Variants in FAF2 observed in about 807,000 individuals in gnomAD.
FAF2 encodes the protein FAS-associated factor 2.
FAF2 carries 9 observed loss-of-function variants against 62.3 expected under a neutral mutation model. That is an observed-to-expected ratio of 0.14 (90% CI 0.09 to 0.25). The LOEUF is 0.25. FAF2 is among the 10% of genes least tolerant of loss of function. FAF2 has a pLI of 1.00. For synonymous variants in FAF2, 202 were observed against 198.0 expected, an observed-to-expected ratio of 1.02 and a Z score of -0.17; for missense variants, 368 against 556.2, an observed-to-expected ratio of 0.66 and a Z score of 3.40.
chr5:176,451,813 CACAT>C (rs35132677), intron 1 of FAF2, among the ~76,000 whole-genome samples: 22,060 of 41,102 alleles, frequency 0.54, 6,683 homozygotes, highest in African/African-American at 0.6. Flanking sequence ...TATATATACA[CACAT>C]ATATATATAT....
intron 2 of FAF2, among the ~76,000 whole-genome samples, chr5:176,484,164 C>T (rs904468390): frequency 2.0e-5 from 3 of 152,154 alleles, no homozygotes; most frequent in African/African-American, 7.2e-5. Context: ...AGTCGGGACA[C>T]ATTACCTTCT....
At chr5:176,490,235 C>T (rs557263820) in intron 4 of FAF2, among the ~76,000 whole-genome samples, 17 of 150,944 alleles carry the variant, frequency 1.1e-4, no homozygotes, top group African/African-American at 3.9e-4. Flanking sequence ...GGCGTGAACC[C>T]GGGAGGCGGA....
At chr5:176,478,653 G>A (rs1048115997) in intron 1 of FAF2, among the ~76,000 whole-genome samples, 7 of 152,196 alleles carry the variant, frequency 4.6e-5, no homozygotes, top group African/African-American at 1.7e-4. Context: ...TATCTAAAAT[G>A]CTTGGAACCA....
chr5:176,448,985 C>T (rs1383062115), intron 1 of FAF2, among the ~76,000 whole-genome samples: 2 of 152,118 alleles, frequency 1.3e-5, no homozygotes, highest in East Asian at 3.9e-4. Context: ...CAGATCTGGT[C>T]CCCGCCCTAG....
intron 4 of FAF2, among the ~76,000 whole-genome samples, chr5:176,491,135 G>A (rs575484205): frequency 4.2e-4 from 64 of 152,214 alleles, no homozygotes; most frequent in African/African-American, 1.3e-3. Context: ...TGCTGAAAAC[G>A]TTTTAAGTAA....
At position 176,475,629 on chromosome 5, in the gene FAF2, G is replaced by A. The variant is rs575875226; in HGVS notation, c.64-3559G>A. ...CTAAAAATACAAAAACTAGCCAGGC[G>A]TGGTGGCAGCCACCTGTAATCCCAG... is the stretch of plus-strand genomic sequence containing the variant. On this transcript the variant is annotated intron_variant, in intron 1 of 10. Transcript: ENST00000261942. Among the ~76,000 whole-genome samples, 8 of 152,162 alleles carry A rather than the reference G, an allele frequency of 5.3e-5. No individual in the cohort carries two copies. In the East Asian group the frequency reaches 7.8e-4, roughly 15 times the overall value.
At chr5:176,462,028 A>G (rs1050319374) in intron 1 of FAF2, among the ~76,000 whole-genome samples, 1 of 152,156 alleles carries the variant, frequency 6.6e-6, no homozygotes, top group Non-Finnish European at 1.5e-5. Flanking sequence ...TGTAGTCCCA[A>G]CACTTTATGA....
rs545913627 is a variant in FAF2, at chr5:176,508,285, G to T, written c.*1335G>T. ...TCAGGCCATGTATTAACAGATGCCA[G>T]TGCGCTCTGACAAGTATTCCAAAGT... On this transcript the variant is annotated 3_prime_UTR_variant, in exon 11 of 11. Coordinates refer to ENST00000261942, the MANE Select transcript of FAF2 (RefSeq NM_014613.3). 4 of 152,284 alleles carry T rather than the reference G, an allele frequency of 2.6e-5. No homozygotes were observed. The highest frequency in any genetic ancestry group is 1.3e-4 in the Admixed American group (2 of 15,276). The allele number at this position is 152,284 out of a possible 1,614,324, so 9.4% of individuals were successfully genotyped here. A position where few individuals can be genotyped will look rare whatever the true frequency, so the allele number is the denominator to read the frequency against.
chr5:176,472,718 A>C (rs373079210), intron 1 of FAF2, among the ~76,000 whole-genome samples: 1 of 32,486 alleles, frequency 3.1e-5, no homozygotes, highest in African/African-American at 2.1e-4. Flanking sequence ...CTTCATCTCT[A>C]CAAAAAAAAA....
At chr5:176,450,543 C>G (rs944312662) in intron 1 of FAF2, among the ~76,000 whole-genome samples, 10 of 151,634 alleles carry the variant, frequency 6.6e-5, no homozygotes, top group African/African-American at 2.2e-4. Flanking sequence ...TCCATTTTAT[C>G]TTCTGTGGAG....
chr5:176,500,845 C>T (rs1029936790), intron 10 of FAF2, among the ~76,000 whole-genome samples: 4 of 152,086 alleles, frequency 2.6e-5, no homozygotes, highest in Non-Finnish European at 5.9e-5. Flanking sequence ...ATAATAAGCA[C>T]GGCTGGGCCC....
rs549502016 is a variant in FAF2 at position 176,467,710 on chromosome 5, C to A, written c.64-11478C>A. Among the ~76,000 whole-genome samples the A allele has an allele frequency of 1.5e-4, 23 of 152,306 alleles. No individual in the cohort carries two copies. The South Asian group carries it at 4.8e-3, about 32-fold the overall frequency. On this transcript the variant is annotated intron_variant, in intron 1 of 10. Transcript: ENST00000261942. The stretch of plus-strand genomic sequence containing the variant: ...TGTATACCCAAATTGGTATGGGATA[C>A]TTTGACATAATTCTTTTCAAAGATT...
At chr5:176,501,943 G>A (rs923559792) in intron 10 of FAF2, among the ~76,000 whole-genome samples, 7 of 152,060 alleles carry the variant, frequency 4.6e-5, no homozygotes, top group African/African-American at 1.7e-4. Flanking sequence ...TTTTAGTAGA[G>A]ATGGGGTTTC....
intron 4 of FAF2, among the ~76,000 whole-genome samples, chr5:176,489,917 C>T (rs1758944332): frequency 6.6e-6 from 1 of 152,112 alleles, no homozygotes; most frequent in African/African-American, 2.4e-5. Context: ...TATGTATATA[C>T]CCACTTGCTT....
intron 1 of FAF2, among the ~76,000 whole-genome samples, chr5:176,470,366 T>C (rs372036520): frequency 1.4e-4 from 22 of 152,222 alleles, no homozygotes; most frequent in African/African-American, 5.1e-4. Flanking sequence ...TCACCTGAGG[T>C]CGGGAGTTCG....
chr5:176,454,990 C>T (rs1561814649), intron 1 of FAF2, among the ~76,000 whole-genome samples: 2 of 152,090 alleles, frequency 1.3e-5, no homozygotes, highest in Admixed American at 6.6e-5. Flanking sequence ...CTACATAAAC[C>T]TGTAAAATAC....
chr5:176,504,173 GA>G (rs1755639344), intron 10 of FAF2, among the ~76,000 whole-genome samples: 1 of 151,906 alleles, frequency 6.6e-6, no homozygotes. Flanking sequence ...AGATTAAAAA[GA>G]AATCAGAAAG....
Position 176,496,508 on chromosome 5 carries a change from C to T in FAF2, c.684C>T (p.Asn228=), listed in dbSNP as rs1299065274. The T allele has an allele frequency of 5.6e-6, 9 of 1,603,670 alleles. No individual in the cohort carries two copies. In the African/African-American group the frequency reaches 9.4e-5, roughly 17 times the overall value. The change falls in exon 8 of 11, where the codon AAC becomes AAT. Residue 228 remains asparagine (N), a synonymous_variant. Coordinates refer to ENST00000261942, the MANE Select transcript of FAF2 (RefSeq NM_014613.3). ...GYRVSQALRE[N]TYPFLAMIML... ...CAGTCTCACAGGCTTTACGAGAGAA[C>T]ACCTATCCATTCCTGGCCATGATTA... is the stretch of plus-strand genomic sequence containing the variant.
intron 9 of FAF2, among the ~76,000 whole-genome samples, chr5:176,499,600 T>C (rs10463056): frequency 0.18 from 26,745 of 152,048 alleles, 2,607 homozygotes; most frequent in East Asian, 0.28. Flanking sequence ...TGTCTTTTAG[T>C]CATTTCCTTT....
Sources: gnomAD v4.1 joint callset for allele counts (sites outside exome capture counted in the v4.1 genomes callset) on GRCh38, gnomAD v4.1.1 for gene constraint, MANE v1.5 for transcripts, NCBI Gene and HGNC (gene_info 2026-07-23, HGNC 2026-07-21) for gene names.